Variants in USP6 observed in about 807,000 individuals in gnomAD.
USP6 encodes ubiquitin specific peptidase 6, also known as ubiquitin carboxyl-terminal hydrolase 6.
Under a neutral mutation model 175.7 loss-of-function variants are expected in USP6, and 128 were observed. The ratio of observed to expected loss-of-function variants is 0.73; its 90% CI spans 0.63 to 0.84. The LOEUF is 0.84. USP6 is among the 40% of genes least tolerant of loss of function. The pLI is 0.00. For missense variants in USP6, 1,498 were observed against 1,760.3 expected (o/e 0.85, Z 2.67); for synonymous variants, 562 against 630.6 (o/e 0.89, Z 1.63).
intron 8 of USP6, 34 bp from the exon 9 acceptor site, chr17:5,129,902 A>G (rs2073006699): frequency 5.2e-6 from 1 of 191,938 alleles, no homozygotes; most frequent in African/African-American, 2.3e-5. Context: ...GCGGGGTAGA[A>G]TGGAGCAGTC....
At chr17:5,172,401 C>G (rs1180717554) in intron 37 of USP6, among the ~76,000 whole-genome samples, 3 of 151,852 alleles carry the variant, frequency 2.0e-5, no homozygotes, top group Non-Finnish European at 2.9e-5. Context: ...TGTGGTGGCA[C>G]ATGCCTGTAG....
At chr17:5,123,905 GCA>G (rs894951754) in intron 4 of USP6, among the ~76,000 whole-genome samples, 3 of 141,504 alleles carry the variant, frequency 2.1e-5, no homozygotes, top group African/African-American at 8.1e-5. Context: ...ACGCACGTGC[GCA>G]CACACACACA....
intron 4 of USP6, among the ~76,000 whole-genome samples, chr17:5,124,312 A>T (rs2072819809): frequency 6.6e-6 from 1 of 152,128 alleles, no homozygotes; most frequent in South Asian, 2.1e-4. Flanking sequence ...CCCCCCACCC[A>T]ACCACCCAGT....
At chr17:5,150,109 TG>T (rs2073722758) in intron 30 of USP6, among the ~76,000 whole-genome samples, 1 of 151,952 alleles carries the variant, frequency 6.6e-6, no homozygotes, top group Admixed American at 6.6e-5. Flanking sequence ...CTGGCCAATA[TG>T]GTGAAACCCC....
Position 5,125,136 on chromosome 17 carries a change from C to T in USP6, c.-728C>T, listed in dbSNP as rs140036360. 1,992 of 152,394 alleles carry T rather than the reference C, an allele frequency of 0.013. 42 individuals are homozygous for T. The highest frequency in any genetic ancestry group is 0.044 in the African/African-American group (1,837 of 41,542). 9.4% of individuals were successfully genotyped at this position (152,394 alleles called of 1,614,324 possible). On this transcript the variant is annotated 5_prime_UTR_variant, in exon 5 of 38. Coordinates refer to ENST00000574788, the MANE Select transcript of USP6 (RefSeq NM_001304284.2). The stretch of plus-strand genomic sequence containing the variant: ...GAAGCATGAACCCTACTGTGAACTG[C>T]GCATGCCAGGGATCTAGATTGCGTG...
intron 4 of USP6, among the ~76,000 whole-genome samples, chr17:5,124,149 A>G (rs1490964368): frequency 6.6e-6 from 1 of 152,216 alleles, no homozygotes; most frequent in Non-Finnish European, 1.5e-5. Context: ...CTGTGCACAC[A>G]TACTCTCAGG....
Position 5,132,245 on chromosome 17 carries a change from A to G in USP6, c.156-151A>G. 6.3e-7 allele frequency: 1 copy of G among 1,594,162 alleles called. No individual in the cohort carries two copies. The highest frequency in any genetic ancestry group is 8.6e-7 in the Non-Finnish European group (1 of 1,169,034). On this transcript the variant is annotated intron_variant, in intron 11 of 37. Transcript: ENST00000574788. The surrounding 1 kb of genome is among the most constrained non-coding windows in gnomAD (Gnocchi z 4.7). ...CCCTCCTGGGAGTCAGAGCCACAGG[A>G]AGGCCCTTGTCCTCCCTTCCCTGTG...
rs191057382 is a variant in USP6 at position 5,147,014 on chromosome 17, A to G, written c.2320-69A>G. On this transcript the variant is annotated intron_variant, in intron 28 of 37. Coordinates refer to ENST00000574788, the MANE Select transcript of USP6 (RefSeq NM_001304284.2). ...GACCTAAGACATTCTTTTGAAATAC[A>G]TTAGAGAGAGAACTTTTCCTTTTTA... The G allele has an allele frequency of 1.4e-5, 20 of 1,453,380 alleles. No individual in the cohort carries two copies. In the East Asian group the frequency reaches 1.9e-4, roughly 13 times the overall value. 90.0% of individuals were successfully genotyped at this position (1,453,380 alleles called of 1,614,324 possible).
In USP6 at chr17:5,127,579, C is replaced by G. The variant is rs913871930; in HGVS notation, c.-398C>G. The G allele has an allele frequency of 2.0e-4, 30 of 152,220 alleles. No homozygotes were observed. The highest frequency in any genetic ancestry group is 2.6e-4 in the Non-Finnish European group (18 of 68,062). 9.4% of individuals were successfully genotyped at this position (152,220 alleles called of 1,614,324 possible). A position where few individuals can be genotyped will look rare whatever the true frequency, so the allele number is the denominator to read the frequency against. On this transcript the variant is annotated 5_prime_UTR_variant, in exon 7 of 38. Transcript: ENST00000574788. ...AATGGATGGATGAATGGACAGCAGT[C>G]CAGGGAGATGTCCCTGTGTGTCCTG...
chr17:5,139,368 C>T lies in USP6; in HGVS notation c.1192C>T (p.Arg398Trp), dbSNP rs577155682. The T allele has an allele frequency of 1.7e-5, 28 of 1,613,154 alleles. No individual in the cohort carries two copies. Among genetic ancestry groups the T allele is most frequent in the South Asian group, 8.8e-5 (8 of 91,054 alleles). Residue 398 changes from arginine to tryptophan, a missense_variant, in exon 22 of 38, where the codon CGG becomes TGG. This residue lies in a region of USP6 where 1,217 missense variants were observed against 1,500.8 expected (regional missense o/e 0.81). Coordinates refer to ENST00000574788, the MANE Select transcript of USP6 (RefSeq NM_001304284.2). Reference protein sequence around the residue: ...APPGPPAQFQRPICSASPPWA... With the variant: ...APPGPPAQFQWPICSASPPWA... ...TCCAGGCCCACCAGCCCAGTTCCAG[C>T]GGCCCATTTGCTCAGCTTCCCCGCC...
At chr17:5,138,091 C>T (rs1210724791) in intron 20 of USP6, 30 bp from the exon 21 acceptor site, 3 of 1,613,942 alleles carry the variant, frequency 1.9e-6, no homozygotes, top group Non-Finnish European at 2.5e-6. Flanking sequence ...CCAGGGAACT[C>T]TCCTGGCCTG....
chr17:5,156,980 T>TCA, intron 31 of USP6, among the ~76,000 whole-genome samples: 1 of 152,250 alleles, frequency 6.6e-6, no homozygotes, highest in Admixed American at 6.5e-5. Context: ...TCCATCTACC[T>TCA]CAGCCTCCCA....
chr17:5,140,741 T>C (rs1472180522), intron 22 of USP6, among the ~76,000 whole-genome samples: 1 of 152,228 alleles, frequency 6.6e-6, no homozygotes, highest in Non-Finnish European at 1.5e-5. Flanking sequence ...CTCATGCCTC[T>C]TCAGCTTCCT....
Position 5,130,669 on chromosome 17 carries a change from G to A in USP6, c.140G>A (p.Arg47His), listed in dbSNP as rs780309694. ...EPVGINSSID[R>H]FGILHETELP... ...GTTGGAATCAACAGCAGCATTGATC[G>A]TTTTGGCATTTTGCAGTGAGTCATC... Residue 47 changes from arginine to histidine, a missense_variant, in exon 11 of 38, where the codon CGT (arginine) becomes CAT (histidine). This residue lies in a region of USP6 where 281 missense variants were observed against 259.6 expected (regional missense o/e 1.08). Coordinates refer to ENST00000574788, the MANE Select transcript of USP6 (RefSeq NM_001304284.2). The A allele has an allele frequency of 1.2e-5, 20 of 1,613,982 alleles. No homozygotes were observed. The highest frequency in any genetic ancestry group is 2.2e-5 in the East Asian group (1 of 44,882).
intron 7 of USP6, 123 bp downstream of exon 7, chr17:5,127,762 A>G (rs1048019636): frequency 6.6e-6 from 1 of 152,242 alleles, no homozygotes; most frequent in African/African-American, 2.4e-5. Flanking sequence ...CATATAAGCT[A>G]TGCACATTCT....
intron 30 of USP6, among the ~76,000 whole-genome samples, chr17:5,150,650 A>G (rs1387856380): frequency 6.6e-6 from 1 of 151,946 alleles, no homozygotes. Flanking sequence ...ACACGCCACC[A>G]TGCCTGGCTA....
At chr17:5,141,900 G>C in intron 23 of USP6, 103 bp from the exon 24 acceptor site, 1 of 1,497,130 alleles carries the variant, frequency 6.7e-7, no homozygotes, top group East Asian at 2.3e-5. Flanking sequence ...CCATTTAGCT[G>C]ATTATGAGAG....
rs1597943327 is a variant in USP6, at chr17:5,116,214, G to A, written c.-2454G>A. ...AGGAGGGGCCGCGGGCAGCGCTCGAGACGCTCATTGAGAGGACTTCCCGCC... is the reference window on the plus strand; with the variant it reads ...AGGAGGGGCCGCGGGCAGCGCTCGAAACGCTCATTGAGAGGACTTCCCGCC... On this transcript the variant is annotated 5_prime_UTR_variant, in exon 1 of 38. Coordinates refer to ENST00000574788, the MANE Select transcript of USP6 (RefSeq NM_001304284.2). 7.2e-6 allele frequency among the ~76,000 whole-genome samples: 1 copy of A among 139,374 alleles called. No individual in the cohort carries two copies. Among genetic ancestry groups the A allele is most frequent in the Admixed American group, 7.3e-5 (1 of 13,792 alleles). The allele number at this position is 139,374 out of a possible 152,430, so 91.4% of individuals were successfully genotyped here.
chr17:5,120,962 G>A (rs2072643624), intron 3 of USP6, among the ~76,000 whole-genome samples, 174 bp downstream of exon 3: 1 of 152,206 alleles, frequency 6.6e-6, no homozygotes, highest in African/African-American at 2.4e-5. Context: ...GAGGACTCAA[G>A]CTCACACAGC....
Sources: gnomAD v4.1 joint callset for allele counts (sites outside exome capture counted in the v4.1 genomes callset) on GRCh38, gnomAD v4.1.1 for gene constraint, gnomAD v4.1.1 regional missense constraint, Gnocchi (gnomAD v3.1) non-coding constraint, MANE v1.5 for transcripts, NCBI Gene and HGNC (gene_info 2026-07-23, HGNC 2026-07-21) for gene names.